Variants in GSK3B observed in about 807,000 individuals in gnomAD.
GSK3B encodes glycogen synthase kinase-3 beta.
In GSK3B, 15 loss-of-function variants were observed where a neutral mutation model predicts 56.4. The ratio of observed to expected loss-of-function variants is 0.27; its 90% CI spans 0.18 to 0.41. The LOEUF is 0.41. GSK3B is among the 10% of genes least tolerant of loss of function. GSK3B has a pLI of 1.00. For missense variants in GSK3B, 300 were observed against 513.4 expected, an observed-to-expected ratio of 0.58 and a Z score of 4.02; for synonymous variants, 181 against 188.9, an observed-to-expected ratio of 0.96 and a Z score of 0.34.
intron 10 of GSK3B, among the ~76,000 whole-genome samples, chr3:119,841,898 G>A (rs987260614): frequency 1.2e-4 from 18 of 152,116 alleles, no homozygotes; most frequent in African/African-American, 4.3e-4. Context: ...AGATTAGACA[G>A]AAACAACACC....
intron 1 of GSK3B, among the ~76,000 whole-genome samples, chr3:120,008,005 C>CT (rs1447198749): frequency 6.6e-6 from 1 of 151,680 alleles, no homozygotes; most frequent in Non-Finnish European, 1.5e-5. Flanking sequence ...AGGCCAAACA[C>CT]TCCTTAAGCT....
intron 2 of GSK3B, among the ~76,000 whole-genome samples, chr3:119,997,845 A>G (rs1244012443): frequency 6.6e-6 from 1 of 152,220 alleles, no homozygotes; most frequent in Non-Finnish European, 1.5e-5. Context: ...ACCAGTGGGA[A>G]AAGGATAAAC....
intron 9 of GSK3B, among the ~76,000 whole-genome samples, chr3:119,862,635 A>G (rs2056121889): frequency 6.8e-6 from 1 of 146,718 alleles, no homozygotes; most frequent in Non-Finnish European, 1.5e-5. Flanking sequence ...TAGCCTGAGT[A>G]TGCTTACTAA....
chr3:119,966,936 C>T (rs1256561576), intron 2 of GSK3B, among the ~76,000 whole-genome samples: 1 of 152,090 alleles, frequency 6.6e-6, no homozygotes, highest in Non-Finnish European at 1.5e-5. Context: ...GAATGTAAGA[C>T]TTATACATTG....
In GSK3B at chr3:119,822,521, A is replaced by T. The variant is rs2055428278; in HGVS notation, c.*4267T>A. The stretch of plus-strand genomic sequence containing the variant: ...CTGGTTGTCATTTTGCTTTTATTGC[A>T]GAGGTGCAAAACGGAGCAACAAACT... On this transcript the variant is annotated 3_prime_UTR_variant, in exon 11 of 11. Transcript: ENST00000264235. 3 of 226,846 alleles carry T rather than the reference A, an allele frequency of 1.3e-5. No individual in the cohort carries two copies. The highest frequency in any genetic ancestry group is 1.1e-4 in the Admixed American group (2 of 17,556). The allele number at this position is 226,846 out of a possible 1,614,324, so 14.1% of individuals were successfully genotyped here.
chr3:120,046,357 G>A (rs910927387), intron 1 of GSK3B, among the ~76,000 whole-genome samples: 8 of 152,164 alleles, frequency 5.3e-5, no homozygotes, highest in Admixed American at 2.0e-4. Flanking sequence ...GTTAGTAACC[G>A]GGAAAAATGT....
chr3:120,093,442 C>T lies in GSK3B; in HGVS notation c.-8G>A. ...TCTGGGCCGCCCTGACATGATCACTCTCTTCGCGAATCACCTTTTCCTTCC... is the reference window on the plus strand; with the variant it reads ...TCTGGGCCGCCCTGACATGATCACTTTCTTCGCGAATCACCTTTTCCTTCC... On this transcript the variant is annotated 5_prime_UTR_variant, in exon 1 of 11. Coordinates refer to ENST00000264235, the MANE Select transcript of GSK3B (RefSeq NM_001146156.2). The T allele has an allele frequency of 6.3e-7, 1 of 1,593,724 alleles. No homozygotes were observed. Among genetic ancestry groups the T allele is most frequent in the Non-Finnish European group, 8.6e-7 (1 of 1,161,494 alleles).
intron 1 of GSK3B, among the ~76,000 whole-genome samples, chr3:120,019,297 T>C (rs140642150): frequency 1.5e-3 from 232 of 152,216 alleles, no homozygotes; most frequent in Middle Eastern, 3.4e-3. Flanking sequence ...AATACCATAG[T>C]AGCATTCTAC....
chr3:119,851,474 G>A (rs2108019964), intron 9 of GSK3B, among the ~76,000 whole-genome samples: 1 of 152,326 alleles, frequency 6.6e-6, no homozygotes, highest in South Asian at 2.1e-4. Context: ...GGGGCAGGTA[G>A]GTGCTAGTGG....
chr3:120,093,291 G>A lies in GSK3B; in HGVS notation c.88+56C>T, dbSNP rs760724075. 1.1e-4 allele frequency: 123 copies of A among 1,137,320 alleles called. No individual in the cohort carries two copies. The African/African-American group carries it at 1.2e-3, about 11-fold the overall frequency. 70.5% of individuals were successfully genotyped at this position (1,137,320 alleles called of 1,614,324 possible). A position where few individuals can be genotyped will look rare whatever the true frequency, so the allele number is the denominator to read the frequency against. On this transcript the variant is annotated intron_variant, in intron 1 of 10. Transcript: ENST00000264235. ...TAATTTCAGATCCTGGTATTTCGAGGTTTCTTATTTTAAGGGCGAGGTGGA... is the reference window on the plus strand; with the variant it reads ...TAATTTCAGATCCTGGTATTTCGAGATTTCTTATTTTAAGGGCGAGGTGGA...
intron 1 of GSK3B, among the ~76,000 whole-genome samples, chr3:120,088,739 T>C (rs1576321298): frequency 6.6e-6 from 1 of 152,140 alleles, no homozygotes; most frequent in Non-Finnish European, 1.5e-5. Context: ...GGGAACCCGG[T>C]TGGTCCTGTT....
chr3:119,954,309 GAAAC>G (rs1314710281), intron 2 of GSK3B, among the ~76,000 whole-genome samples: 1 of 135,916 alleles, frequency 7.4e-6, no homozygotes, highest in Non-Finnish European at 1.7e-5. Flanking sequence ...GAATAGAAAA[GAAAC>G]AGAACAGAAC....
intron 8 of GSK3B, among the ~76,000 whole-genome samples, chr3:119,874,244 C>T (rs2056281196): frequency 6.6e-6 from 1 of 151,998 alleles, no homozygotes; most frequent in Non-Finnish European, 1.5e-5. Flanking sequence ...GGATATGTCC[C>T]CAAGACCCTC....
rs138417226 is a variant in GSK3B, at chr3:120,022,341, C to T, written c.89-20102G>A. Among the ~76,000 whole-genome samples, 37 of 152,284 alleles carry T rather than the reference C, an allele frequency of 2.4e-4. No individual in the cohort carries two copies. The East Asian group carries it at 4.8e-3, about 20-fold the overall frequency. On this transcript the variant is annotated intron_variant, in intron 1 of 10. Transcript: ENST00000264235. ...TTTATAAACTACAGTATAGTGCAAA[C>T]GTAACTTTTATATGCACTAAGAAAC...
intron 2 of GSK3B, among the ~76,000 whole-genome samples, chr3:119,988,125 G>A (rs2057533085): frequency 6.6e-6 from 1 of 152,144 alleles, no homozygotes. Context: ...ACTGGAGACT[G>A]TAACATCAGA....
chr3:119,837,499 T>G (rs9784393), intron 10 of GSK3B, among the ~76,000 whole-genome samples: 136,047 of 152,072 alleles, frequency 0.89, 60,967 homozygotes, highest in Admixed American at 0.93. Flanking sequence ...AAGATAAAAA[T>G]GTGCTCATTC....
At chr3:119,871,211 G>T (rs1349803180) in intron 8 of GSK3B, among the ~76,000 whole-genome samples, 1 of 152,198 alleles carries the variant, frequency 6.6e-6, no homozygotes, top group Non-Finnish European at 1.5e-5. Flanking sequence ...TTTGAAAGCT[G>T]AAATGACCTG....
intron 2 of GSK3B, among the ~76,000 whole-genome samples, chr3:119,955,292 T>C (rs1355276391): frequency 2.0e-5 from 3 of 151,890 alleles, no homozygotes; most frequent in Non-Finnish European, 4.4e-5. Flanking sequence ...TATTTTTAAT[T>C]GATACATGAT....
chr3:119,906,850 T>G (rs1181951723), intron 6 of GSK3B, among the ~76,000 whole-genome samples: 1 of 152,092 alleles, frequency 6.6e-6, no homozygotes. Flanking sequence ...TTTAAAGGTC[T>G]GATGTGGTGA....
Sources: gnomAD v4.1 joint callset for allele counts (sites outside exome capture counted in the v4.1 genomes callset) on GRCh38, gnomAD v4.1.1 for gene constraint, MANE v1.5 for transcripts, NCBI Gene and HGNC (gene_info 2026-07-23, HGNC 2026-07-21) for gene names.